Variants in PMS2 observed in about 807,000 individuals in gnomAD.
The protein encoded by PMS2 is mismatch repair endonuclease PMS2.
A neutral mutation model predicts 90.0 loss-of-function variants in PMS2; 69 were observed. The ratio of observed to expected loss-of-function variants is 0.77; its 90% CI spans 0.63 to 0.94. The LOEUF is 0.94. Ranked by LOEUF, PMS2 falls within the 40% of genes least tolerant of loss-of-function variation. PMS2 has a pLI of 0.00. For synonymous variants in PMS2, 332 were observed against 375.1 expected, an observed-to-expected ratio of 0.89 and a Z score of 1.33; for missense variants, 966 against 1,040.2, an observed-to-expected ratio of 0.93 and a Z score of 0.98.
At chr7:5,997,810 T>A (rs960363987) in intron 6 of PMS2, among the ~76,000 whole-genome samples, 6 of 152,100 alleles carry the variant, frequency 3.9e-5, no homozygotes, top group Non-Finnish European at 8.8e-5. Context: ...TCAAAATTGT[T>A]GGCCGGGTGG....
intron 10 of PMS2, among the ~76,000 whole-genome samples, chr7:5,989,343 A>C (rs1256998187): frequency 6.6e-6 from 1 of 152,058 alleles, no homozygotes; most frequent in Non-Finnish European, 1.5e-5. Flanking sequence ...AGGCAGGAGA[A>C]TCTCTTGAAC....
chr7:5,994,456 T>C (rs923651850), intron 8 of PMS2, among the ~76,000 whole-genome samples: 2 of 151,584 alleles, frequency 1.3e-5, no homozygotes, highest in East Asian at 2.0e-4. Context: ...GATAGGGTTA[T>C]GTCCTGATAA....
intron 6 of PMS2, 25 bp downstream of exon 6, chr7:5,999,083 C>T (rs778962206): frequency 4.4e-6 from 7 of 1,607,680 alleles, no homozygotes; most frequent in East Asian, 2.2e-5. Flanking sequence ...CAATAAGAGG[C>T]GTTGAAGTAA....
intron 9 of PMS2, among the ~76,000 whole-genome samples, chr7:5,990,200 G>A (rs1783583253): frequency 6.6e-6 from 1 of 152,156 alleles, no homozygotes; most frequent in Admixed American, 6.5e-5. Context: ...TAGAGATGGG[G>A]TTTCACCGTG....
intron 8 of PMS2, among the ~76,000 whole-genome samples, chr7:5,994,415 T>C (rs1784137640): frequency 6.6e-6 from 1 of 151,230 alleles, no homozygotes; most frequent in South Asian, 2.1e-4. Flanking sequence ...CAAAAAAAAC[T>C]GTACACAGAT....
chr7:5,998,565 G>A (rs765663325), intron 6 of PMS2, among the ~76,000 whole-genome samples: 3 of 151,090 alleles, frequency 2.0e-5, no homozygotes, highest in Non-Finnish European at 1.5e-5. Context: ...CTGGTGGCAT[G>A]TGCCTGTAAT....
chr7:5,977,638 G>A lies in PMS2; in HGVS notation c.2395C>T (p.Arg799Trp), dbSNP rs149202766. 2.5e-4 allele frequency: 403 copies of A among 1,598,362 alleles called. 12 individuals are homozygous for A. The Admixed American group carries it at 5.3e-3, about 21-fold the overall frequency. ...AACATCTGCTTGACTCGGGAAGGCC[G>A]GCACATGACCCCAGGGCTGTCGCTC... is the stretch of plus-strand genomic sequence containing the variant. ...MLSDSPGVMC[R>W]PSRVKQMFAS... The change falls in exon 14 of 15, where the codon CGG (arginine) becomes TGG (tryptophan). Residue 799 changes from arginine to tryptophan, a missense_variant. Physicochemically the swap from Arg to Trp is moderately radical, Grantham distance 101 (BLOSUM62 -3). This residue lies in a region of PMS2 where 95 missense variants were observed against 237.8 expected (regional missense o/e 0.40). Coordinates refer to ENST00000265849, the MANE Select transcript of PMS2 (RefSeq NM_000535.7).
At chr7:5,983,157 G>C (rs1453063416) in intron 11 of PMS2, among the ~76,000 whole-genome samples, 166 bp from the exon 12 acceptor site, 1 of 151,486 alleles carries the variant, frequency 6.6e-6, no homozygotes. Flanking sequence ...CTGTCACCCA[G>C]GCTACAGTGC....
intron 4 of PMS2, among the ~76,000 whole-genome samples, chr7:6,002,975 G>T (rs956048068): frequency 6.6e-6 from 1 of 152,042 alleles, no homozygotes; most frequent in African/African-American, 2.4e-5. Flanking sequence ...TTTTTTTAAA[G>T]AATCTAACAA....
chr7:5,999,906 C>T lies in PMS2; in HGVS notation c.538-631G>A, dbSNP rs572256328. Among the ~76,000 whole-genome samples the T allele has an allele frequency of 7.2e-5, 11 of 152,196 alleles. No individual in the cohort carries two copies. The South Asian group carries it at 2.1e-3, about 29-fold the overall frequency. ...ACACTGGCACAAGCATTTTGGTATG[C>T]AAAGAGATACACAAAAATGTTCACT... On this transcript the variant is annotated intron_variant, in intron 5 of 14. Transcript: ENST00000265849.
Position 6,004,069 on chromosome 7 carries a change from T to A in PMS2, c.164-11A>T, listed in dbSNP as rs763662038. 3.5e-6 allele frequency: 5 copies of A among 1,424,796 alleles called. No homozygotes were observed. In the Admixed American group the frequency reaches 8.5e-5, roughly 24 times the overall value. The allele number at this position is 1,424,796 out of a possible 1,614,324, so 88.3% of individuals were successfully genotyped here. A position where few individuals can be genotyped will look rare whatever the true frequency, so the allele number is the denominator to read the frequency against. ...CCTTAAGCTTTAGATCTAGAAAGTT[T>A]AAAATATTTACATATTTATTAAAAA... On this transcript the variant is annotated splice_polypyrimidine_tract_variant and intron_variant, in intron 2 of 14. Coordinates refer to ENST00000265849, the MANE Select transcript of PMS2 (RefSeq NM_000535.7).
At chr7:6,003,009 T>G (rs955481762) in intron 4 of PMS2, among the ~76,000 whole-genome samples, 1 of 152,146 alleles carries the variant, frequency 6.6e-6, no homozygotes, top group African/African-American at 2.4e-5. Context: ...AATGTATATG[T>G]AGGGCAGAGC....
Position 5,987,600 on chromosome 7 carries a change from C to T in PMS2, c.1165G>A (p.Ala389Thr), listed in dbSNP as rs1562637025. ...DVEGNLIKMHAADLEKPMVEK... is the reference protein window; with the variant it reads ...DVEGNLIKMHTADLEKPMVEK... The stretch of plus-strand genomic sequence containing the variant: ...ACCATGGGCTTTTCCAAATCCGCTG[C>T]ATGCATTTTTATTAAGTTACCTAAG... The change falls in exon 11 of 15, where the codon GCA (alanine) becomes ACA (threonine). Residue 389 changes from alanine to threonine, a missense_variant. By Grantham distance (58) the Ala-to-Thr change is moderately conservative. Transcript: ENST00000265849. 3.1e-6 allele frequency: 5 copies of T among 1,603,762 alleles called. No homozygotes were observed. The highest frequency in any genetic ancestry group is 4.3e-6 in the Non-Finnish European group (5 of 1,171,720).
chr7:6,004,259 TTC>T, intron 2 of PMS2: 2 of 478,106 alleles, frequency 4.2e-6, no homozygotes, highest in Non-Finnish European at 7.5e-6. Context: ...GTTTAGCTTT[TTC>T]TTTCTTTCCT....
At chr7:5,994,051 A>G (rs990883891) in intron 8 of PMS2, among the ~76,000 whole-genome samples, 1 of 151,972 alleles carries the variant, frequency 6.6e-6, no homozygotes, top group Non-Finnish European at 1.5e-5. Flanking sequence ...TAATGTATAT[A>G]TGCAGATACA....
intron 11 of PMS2, 94 bp from the exon 12 acceptor site, chr7:5,983,085 A>T: frequency 6.5e-7 from 1 of 1,541,010 alleles, no homozygotes; most frequent in Non-Finnish European, 8.8e-7. Flanking sequence ...GTCAAACAAT[A>T]CAAAAACAAA....
chr7:6,007,672 G>C (rs186825201), intron 1 of PMS2, among the ~76,000 whole-genome samples: 185 of 152,180 alleles, frequency 1.2e-3, no homozygotes, highest in African/African-American at 4.1e-3. Context: ...TTAACACATC[G>C]TAGGCCTTTA....
chr7:5,991,103 T>G (rs1389453927), intron 9 of PMS2, among the ~76,000 whole-genome samples: 1 of 152,156 alleles, frequency 6.6e-6, no homozygotes, highest in Non-Finnish European at 1.5e-5. Context: ...AATTTAATTT[T>G]GAAAAATTTA....
chr7:5,977,858 G>T (rs1320516844), intron 13 of PMS2, 101 bp from the exon 14 acceptor site: 1 of 1,538,610 alleles, frequency 6.5e-7, no homozygotes, highest in Admixed American at 1.7e-5. Flanking sequence ...GGTGGCTCAC[G>T]CCTGTAATCC....
Sources: gnomAD v4.1 joint callset for allele counts (sites outside exome capture counted in the v4.1 genomes callset) on GRCh38, gnomAD v4.1.1 for gene constraint, gnomAD v4.1.1 regional missense constraint, MANE v1.5 for transcripts, NCBI Gene and HGNC (gene_info 2026-07-23, HGNC 2026-07-21) for gene names.